The following HORMAD2 variants were observed in gnomAD, a reference collection of about 807,000 sequenced individuals.
HORMAD2 encodes HORMA domain-containing protein 2.
HORMAD2 carries 45 observed loss-of-function variants against 38.8 expected under a neutral mutation model. The observed-to-expected ratio is 1.16, with a 90% confidence interval of 0.91 to 1.49. The LOEUF (loss-of-function observed/expected upper bound fraction) is 1.49, where lower values mean the gene tolerates loss of function less well. Ranked by LOEUF, HORMAD2 falls within the 40% of genes most tolerant of loss-of-function variation. HORMAD2 has a pLI of 0.00. For synonymous variants in HORMAD2, 126 were observed against 122.8 expected (o/e 1.03, Z -0.17); for missense variants, 338 against 367.0 (o/e 0.92, Z 0.65).
At chr22:30,089,262 A>T (rs1462105781) in intron 1 of HORMAD2, among the ~76,000 whole-genome samples, 1 of 152,136 alleles carries the variant, frequency 6.6e-6, no homozygotes, top group Non-Finnish European at 1.5e-5. Flanking sequence ...TTTTACAAGT[A>T]TTTTGGTCAG....
chr22:30,146,928 A>C (rs1924456162), intron 10 of HORMAD2, among the ~76,000 whole-genome samples: 1 of 152,188 alleles, frequency 6.6e-6, no homozygotes, highest in Non-Finnish European at 1.5e-5. Flanking sequence ...GAAATTTCTA[A>C]ATACCATTTA....
intron 10 of HORMAD2, among the ~76,000 whole-genome samples, chr22:30,138,243 A>G (rs1055240607): frequency 7.0e-6 from 1 of 142,592 alleles, no homozygotes; most frequent in Non-Finnish European, 1.5e-5. Flanking sequence ...TCTTTTGCCC[A>G]TTTTTTTTTT....
chr22:30,134,137 G>A lies in HORMAD2; in HGVS notation c.819+11923G>A, dbSNP rs1382446708. Among the ~76,000 whole-genome samples, 7 of 152,062 alleles carry A rather than the reference G, an allele frequency of 4.6e-5. No individual in the cohort carries two copies. The South Asian group carries it at 8.3e-4, about 18-fold the overall frequency. ...ACTGGGGCCAGGTGTGGTGGCTAAT[G>A]CCTGTAATCCCAGCACTCTGCGAGG... On this transcript the variant is annotated intron_variant, in intron 10 of 10. Transcript: ENST00000336726.
At position 30,137,402 on chromosome 22, in the gene HORMAD2, A is replaced by G. The variant is rs376611931; in HGVS notation, c.819+15188A>G. 6.7e-4 allele frequency: 303 copies of G among 453,142 alleles called. 6 individuals are homozygous for G. The highest frequency in any genetic ancestry group is 4.7e-3 in the South Asian group (273 of 57,606). 28.1% of individuals were successfully genotyped at this position (453,142 alleles called of 1,614,324 possible). On this transcript the variant is annotated intron_variant, in intron 10 of 10. Transcript: ENST00000336726. ...TCTTTCTTAGAAAATGGGTCAAGGT[A>G]TTTGAGCCCAGGAGGTCAAGGCTGC...
chr22:30,153,051 T>C (rs1013018848), intron 10 of HORMAD2, among the ~76,000 whole-genome samples: 4 of 151,964 alleles, frequency 2.6e-5, no homozygotes, highest in Non-Finnish European at 5.9e-5. Context: ...TTTCCACACA[T>C]AGAACAAGTT....
intron 10 of HORMAD2, among the ~76,000 whole-genome samples, chr22:30,140,947 T>A (rs1453471635): frequency 1.3e-5 from 2 of 152,136 alleles, no homozygotes; most frequent in Non-Finnish European, 2.9e-5. Flanking sequence ...GTGTTATGTT[T>A]TGTTATGTTG....
chr22:30,113,813 A>G (rs1921840247), intron 7 of HORMAD2, among the ~76,000 whole-genome samples: 2 of 152,146 alleles, frequency 1.3e-5, no homozygotes, highest in South Asian at 2.1e-4. Context: ...GCAAGATGAC[A>G]TGTAGCTGTT....
rs117498493 is a variant in HORMAD2, at chr22:30,171,309, C to T, written c.820-4754C>T. 6.3e-3 allele frequency among the ~76,000 whole-genome samples: 953 copies of T among 152,258 alleles called. 3 individuals are homozygous for T. The highest frequency in any genetic ancestry group is 9.2e-3 in the Non-Finnish European group (628 of 68,022). On this transcript the variant is annotated intron_variant, in intron 10 of 10. Transcript: ENST00000336726. Reference sequence around the variant, plus strand: ...TAGCCACTGATTCAGCATGTCCACACGAAGGTTTTGTAGGCACTCCAAATT... The same window carrying T: ...TAGCCACTGATTCAGCATGTCCACATGAAGGTTTTGTAGGCACTCCAAATT...
intron 7 of HORMAD2, among the ~76,000 whole-genome samples, chr22:30,113,239 T>C (rs1921794251): frequency 6.6e-6 from 1 of 151,928 alleles, no homozygotes; most frequent in African/African-American, 2.4e-5. Context: ...TGTGAATTCT[T>C]CTTTTTTTTT....
intron 10 of HORMAD2, among the ~76,000 whole-genome samples, chr22:30,149,138 T>C (rs750702881): frequency 3.3e-5 from 5 of 152,238 alleles, no homozygotes; most frequent in African/African-American, 7.2e-5. Flanking sequence ...AACTACATAA[T>C]TTTATACAGA....
chr22:30,183,216 C>T, the HORMAD2 span, among the ~76,000 whole-genome samples: 9 of 152,198 alleles, frequency 5.9e-5, no homozygotes, highest in African/African-American at 1.7e-4. Context: ...AGATGTAAGG[C>T]GATTAGAGCC....
At chr22:30,099,014 C>T (rs1466123209) in intron 3 of HORMAD2, 21 bp downstream of exon 3, 1 of 1,599,438 alleles carries the variant, frequency 6.3e-7, no homozygotes, top group Non-Finnish European at 8.5e-7. Flanking sequence ...ACTAACTAGT[C>T]TCTTTGGCTG....
At chr22:30,108,722 C>T (rs1921396701) in intron 5 of HORMAD2, among the ~76,000 whole-genome samples, 1 of 152,150 alleles carries the variant, frequency 6.6e-6, no homozygotes, top group Non-Finnish European at 1.5e-5. Context: ...TTCTCCCCTG[C>T]TAGTCTAAAT....
At chr22:30,184,465 C>T in the HORMAD2 span, among the ~76,000 whole-genome samples, 1 of 152,158 alleles carries the variant, frequency 6.6e-6, no homozygotes, top group Non-Finnish European at 1.5e-5. Context: ...TTTTTCCAAA[C>T]ATTTCAAGTT....
At chr22:30,190,548 CAG>C in the HORMAD2 span, among the ~76,000 whole-genome samples, 3 of 152,318 alleles carry the variant, frequency 2.0e-5, no homozygotes, top group African/African-American at 7.2e-5. Context: ...AAGGGGGTGA[CAG>C]GGGCAGCATG....
chr22:30,126,431 T>C (rs1159491543), intron 10 of HORMAD2, among the ~76,000 whole-genome samples: 2 of 152,126 alleles, frequency 1.3e-5, no homozygotes, highest in Non-Finnish European at 2.9e-5. Flanking sequence ...CCTGCCAAAG[T>C]GCTGGGATTA....
chr22:30,119,124 GGCCTT>G, intron 8 of HORMAD2, 77 bp downstream of exon 8: 1 of 945,778 alleles, frequency 1.1e-6, no homozygotes, highest in Non-Finnish European at 1.6e-6. Context: ...GCCAGAGAAA[GGCCTT>G]ATACTTCTTT....
At chr22:30,127,199 C>CTTTTT (rs757608874) in intron 10 of HORMAD2, among the ~76,000 whole-genome samples, 5 of 79,818 alleles carry the variant, frequency 6.3e-5, no homozygotes, top group African/African-American at 1.5e-4. Flanking sequence ...AACAGAAGTT[C>CTTTTT]TTTTTTTTTT....
chr22:30,117,564 A>G (rs1042962439), intron 7 of HORMAD2, among the ~76,000 whole-genome samples: 61 of 151,424 alleles, frequency 4.0e-4, no homozygotes. Context: ...GCTGGAGTGC[A>G]GAGGAACAGT....
Sources: allele counts gnomAD v4.1 joint callset (sites outside exome capture counted in the v4.1 genomes callset), GRCh38; gene constraint gnomAD v4.1.1; transcripts MANE v1.5; gene names NCBI Gene and HGNC (gene_info 2026-07-23, HGNC 2026-07-21).